SLC12A7: variants seen among roughly 807,000 people sequenced by gnomAD.
The protein encoded by SLC12A7 is solute carrier family 12 member 7.
SLC12A7 carries 100 observed loss-of-function variants against 120.6 expected under a neutral mutation model. That is an observed-to-expected ratio of 0.83 (90% CI 0.71 to 0.98). The LOEUF (loss-of-function observed/expected upper bound fraction) is 0.98, where lower values mean the gene tolerates loss of function less well. Among genes scored for constraint, SLC12A7 ranks in the 50% least tolerant of loss-of-function variants. The pLI, the probability that SLC12A7 is intolerant of heterozygous loss-of-function variation, is 0.00. For missense variants in SLC12A7, 1,373 were observed against 1,548.1 expected (o/e 0.89, Z 1.90); for synonymous variants, 760 against 678.0 (o/e 1.12, Z -1.88).
At position 1,075,496 on chromosome 5, in the gene SLC12A7, G is replaced by A; in HGVS notation, c.1848-6C>T. The A allele has an allele frequency of 6.2e-7, 1 of 1,608,386 alleles. No homozygotes were observed. Among genetic ancestry groups the A allele is most frequent in the Non-Finnish European group, 8.5e-7 (1 of 1,176,528 alleles). ...TACCCAGAAAGGACAGGGTCCTGGG[G>A]GCGGGGCAAGTGGCTCGGGGCGGCC... On this transcript the variant is annotated splice_region_variant and splice_polypyrimidine_tract_variant and intron_variant, in intron 14 of 23. Coordinates refer to ENST00000264930, the MANE Select transcript of SLC12A7 (RefSeq NM_006598.3).
the SLC12A7 span, among the ~76,000 whole-genome samples, chr5:1,139,819 A>G: frequency 6.6e-6 from 1 of 152,208 alleles, no homozygotes; most frequent in African/African-American, 2.4e-5. Context: ...TAGGGCCACT[A>G]CGTCCCCACG....
rs370155856 is a variant in SLC12A7, at chr5:1,105,323, G to A, written c.124+6545C>T. On this transcript the variant is annotated intron_variant, in intron 1 of 23. Coordinates refer to ENST00000264930, the MANE Select transcript of SLC12A7 (RefSeq NM_006598.3). ...CAGTCAAAAGGACCCTCCCCGCAGG[G>A]ATGAGGTCCTGCAGTCACCCACCAG... Among the ~76,000 whole-genome samples, 4 of 147,350 alleles carry A rather than the reference G, an allele frequency of 2.7e-5. No individual in the cohort carries two copies. The South Asian group carries it at 8.6e-4, about 32-fold the overall frequency.
chr5:1,151,523 T>C, the SLC12A7 span, among the ~76,000 whole-genome samples: 1 of 152,024 alleles, frequency 6.6e-6, no homozygotes, highest in Non-Finnish European at 1.5e-5. The surrounding 1 kb of genome is among the most constrained non-coding windows in gnomAD (Gnocchi z 6.2). Context: ...CCACCAGCCA[T>C]AACAACAGCT....
chr5:1,069,873 T>C (rs1737473717), intron 17 of SLC12A7, among the ~76,000 whole-genome samples: 1 of 152,104 alleles, frequency 6.6e-6, no homozygotes, highest in Non-Finnish European at 1.5e-5. Flanking sequence ...GGCAGCCGAC[T>C]GCAGCAGCAG....
rs1740742213 is a variant in SLC12A7, at chr5:1,093,434, G to A, written c.342+99C>T. 3 of 1,238,692 alleles carry A rather than the reference G, an allele frequency of 2.4e-6. No individual in the cohort carries two copies. The East Asian group carries it at 7.7e-5, about 32-fold the overall frequency. 76.7% of individuals were successfully genotyped at this position (1,238,692 alleles called of 1,614,324 possible). ...GACGTGGCCATGATACCAGAGCTCA[G>A]GGCAGCTCTTCTGACAAGCAACTGC... On this transcript the variant is annotated intron_variant, in intron 3 of 23. Coordinates refer to ENST00000264930, the MANE Select transcript of SLC12A7 (RefSeq NM_006598.3).
chr5:1,075,333 C>G, intron 15 of SLC12A7, 38 bp downstream of exon 15: 2 of 1,594,958 alleles, frequency 1.3e-6, no homozygotes, highest in East Asian at 2.3e-5. Context: ...CCCGCCCTCC[C>G]GTGCGCCGGG....
intron 1 of SLC12A7, among the ~76,000 whole-genome samples, chr5:1,110,377 C>T (rs1446690502): frequency 4.6e-5 from 7 of 152,212 alleles, no homozygotes; most frequent in Non-Finnish European, 8.8e-5. Flanking sequence ...GCGCGGGCAG[C>T]GACATGGGCA....
Position 1,088,983 on chromosome 5 carries a change from C to G in SLC12A7, c.488G>C (p.Cys163Ser). The G allele has an allele frequency of 6.2e-7, 1 of 1,612,782 alleles. No homozygotes were observed. The highest frequency in any genetic ancestry group is 1.7e-4 in the Middle Eastern group (1 of 6,048). Reference sequence around the variant, plus strand: ...CACACCTGGCCGGGGGAGACTCACACATGTGCAGCACATGGCCACGATGAG... The same window carrying G: ...CACACCTGGCCGGGGGAGACTCACAGATGTGCAGCACATGGCCACGATGAG... ...SFLIVAMCCT[C>S]TMLTAISMSA... The change falls in exon 4 of 24, where the codon TGT becomes TCT. Residue 163 changes from cysteine (C) to serine (S), a missense_variant and splice_region_variant. Cys to Ser is a moderately radical substitution (Grantham distance 112). Transcript: ENST00000264930.
chr5:1,053,328 G>C lies in SLC12A7; in HGVS notation c.3160+21C>G, dbSNP rs200780283. 13 of 1,611,480 alleles carry C rather than the reference G, an allele frequency of 8.1e-6. No homozygotes were observed. The Admixed American group carries it at 8.4e-5, about 10-fold the overall frequency. On this transcript the variant is annotated intron_variant, in intron 23 of 23. Transcript: ENST00000264930. ...CAGGGGGTGCCCGCACGCTCAGCAG[G>C]CACACTGCAAGAAAGGATACAGTTC...
chr5:1,066,082 A>G (rs1737020617), intron 17 of SLC12A7, among the ~76,000 whole-genome samples: 1 of 152,180 alleles, frequency 6.6e-6, no homozygotes, highest in South Asian at 2.1e-4. Context: ...CCTGCCACGC[A>G]CTAAAGCCAT....
At chr5:1,115,569 G>A (rs570994186), upstream of SLC12A7, among the ~76,000 whole-genome samples, 17 of 152,332 alleles carry the variant, frequency 1.1e-4, no homozygotes, top group African/African-American at 3.1e-4. Flanking sequence ...ACCTGCTGTC[G>A]GGTATCAGGC....
chr5:1,103,161 G>A (rs1328681692), intron 1 of SLC12A7, among the ~76,000 whole-genome samples: 1 of 152,168 alleles, frequency 6.6e-6, no homozygotes, highest in Non-Finnish European at 1.5e-5. Context: ...GACACGGGGG[G>A]CTTCAGGCAA....
Position 1,061,942 on chromosome 5 carries a change from T to A in SLC12A7, c.2740-1491A>T, listed in dbSNP as rs574015804. ...AGCGAGACTCTGTCTCAAAACTTTT[T>A]TTAAAAAAATAAACAGCATGCCAGA... On this transcript the variant is annotated intron_variant, in intron 20 of 23. Coordinates refer to ENST00000264930, the MANE Select transcript of SLC12A7 (RefSeq NM_006598.3). 2.7e-3 allele frequency among the ~76,000 whole-genome samples: 411 copies of A among 152,290 alleles called. 2 individuals carry two copies. Among genetic ancestry groups the A allele is most frequent in the African/African-American group, 8.6e-3 (358 of 41,560 alleles).
chr5:1,093,234 G>A (rs1393397475), intron 3 of SLC12A7, among the ~76,000 whole-genome samples: 1 of 152,188 alleles, frequency 6.6e-6, no homozygotes, highest in African/African-American at 2.4e-5. Flanking sequence ...TCCACAGCAG[G>A]GGATGGGGCC....
chr5:1,128,937 C>T, the SLC12A7 span, among the ~76,000 whole-genome samples: 11 of 152,352 alleles, frequency 7.2e-5, no homozygotes, highest in East Asian at 2.1e-3. Context: ...CTGCCACGTG[C>T]TCCATCCCCA....
chr5:1,088,804 G>A (rs368131892), intron 4 of SLC12A7, among the ~76,000 whole-genome samples, 178 bp downstream of exon 4: 61 of 152,206 alleles, frequency 4.0e-4, no homozygotes, highest in African/African-American at 1.4e-3. Flanking sequence ...CCCGGCTCTC[G>A]TGGAGGAGAC....
chr5:1,120,666 C>T, the SLC12A7 span, among the ~76,000 whole-genome samples: 4 of 152,220 alleles, frequency 2.6e-5, no homozygotes, highest in African/African-American at 4.8e-5. Context: ...TGGACACAGC[C>T]CACATTCCCA....
chr5:1,075,988 C>A, intron 14 of SLC12A7, 150 bp downstream of exon 14: 1 of 638,494 alleles, frequency 1.6e-6, no homozygotes, highest in Non-Finnish European at 2.7e-6. Context: ...GCGCTGGGGT[C>A]TTCAGGCCCA....
the SLC12A7 span, among the ~76,000 whole-genome samples, chr5:1,141,815 T>G: frequency 6.6e-6 from 1 of 152,284 alleles, no homozygotes; most frequent in East Asian, 1.9e-4. Context: ...ACAAGAGGGT[T>G]CGCCGGGACA....
Sources: gnomAD v4.1 joint callset for allele counts (sites outside exome capture counted in the v4.1 genomes callset) on GRCh38, gnomAD v4.1.1 for gene constraint, Gnocchi (gnomAD v3.1) non-coding constraint, MANE v1.5 for transcripts, NCBI Gene and HGNC (gene_info 2026-07-23, HGNC 2026-07-21) for gene names.